Variants in PEX10 observed in about 807,000 individuals in gnomAD.
PEX10 encodes the protein peroxisomal biogenesis factor 10.
PEX10 carries 32 observed loss-of-function variants against 38.0 expected under a neutral mutation model. The observed-to-expected ratio is 0.84, with a 90% CI of 0.63 to 1.13. PEX10 has a LOEUF of 1.13. Ranked by LOEUF, PEX10 falls within the 50% of genes most tolerant of loss-of-function variation. The pLI is 0.00. For synonymous variants in PEX10, 206 were observed against 207.3 expected (o/e 0.99, Z 0.05); for missense variants, 483 against 457.7 (o/e 1.06, Z -0.51).
chr1:2,412,532 C>T lies in PEX10; in HGVS notation c.-30G>A. On this transcript the variant is annotated 5_prime_UTR_variant, in exon 1 of 6. Transcript: ENST00000447513. ...GCGGGTTCGGGTGGTCCCGAGCAGCCACGCCGGCCACGCCCACGCCCAGAC... is the reference window on the plus strand; with the variant it reads ...GCGGGTTCGGGTGGTCCCGAGCAGCTACGCCGGCCACGCCCACGCCCAGAC... 1 of 1,303,954 alleles carries T rather than the reference C, an allele frequency of 7.7e-7. No individual in the cohort carries two copies. The highest frequency in any genetic ancestry group is 9.7e-7 in the Non-Finnish European group (1 of 1,026,282). 80.8% of individuals were successfully genotyped at this position (1,303,954 alleles called of 1,614,324 possible).
At position 2,410,724 on chromosome 1, in the gene PEX10, A is replaced by T. The variant is rs1322022259; in HGVS notation, c.113-273T>A. On this transcript the variant is annotated intron_variant, in intron 1 of 5. Transcript: ENST00000447513. The surrounding 1 kb of genome is among the most constrained non-coding windows in gnomAD (Gnocchi z 5.1). ...CTGAGCAACTGTTCTAGGGCCTATGAGGGCCACATGGAAAGATGGTCTGGG... is the reference window on the plus strand; with the variant it reads ...CTGAGCAACTGTTCTAGGGCCTATGTGGGCCACATGGAAAGATGGTCTGGG... The T allele has an allele frequency of 1.4e-5, 8 of 553,360 alleles. No individual in the cohort carries two copies. The highest frequency in any genetic ancestry group is 2.8e-5 in the Non-Finnish European group (8 of 290,364). The allele number at this position is 553,360 out of a possible 1,614,324, so 34.3% of individuals were successfully genotyped here.
intron 5 of PEX10, among the ~76,000 whole-genome samples, chr1:2,406,051 G>C (rs1642990360): frequency 6.6e-6 from 1 of 152,088 alleles, no homozygotes; most frequent in Non-Finnish European, 1.5e-5. Context: ...CAGGGTGTGG[G>C]GCTCGGCCGG....
rs973439643 is a variant in PEX10 at position 2,408,089 on chromosome 1, G to A, written c.600+363C>T. On this transcript the variant is annotated intron_variant, in intron 3 of 5. Transcript: ENST00000447513. ...CCACACTGTCTGGGAGAAGCTGTTT[G>A]TTCCCCACAGCAGTGACATAGGCAG... Among the ~76,000 whole-genome samples, 5 of 152,124 alleles carry A rather than the reference G, an allele frequency of 3.3e-5. No homozygotes were observed. The East Asian group carries it at 9.6e-4, about 29-fold the overall frequency.
chr1:2,406,698 C>A, intron 4 of PEX10, 22 bp downstream of exon 4: 2 of 1,609,648 alleles, frequency 1.2e-6, no homozygotes, highest in Non-Finnish European at 1.7e-6. Flanking sequence ...CCCCAGCCCC[C>A]ATGTGTGGCC....
chr1:2,411,179 C>A (rs1643189464), intron 1 of PEX10, among the ~76,000 whole-genome samples: 1 of 150,756 alleles, frequency 6.6e-6, no homozygotes, highest in Non-Finnish European at 1.5e-5. Flanking sequence ...GCTGGGAGTT[C>A]ATGCCTTTAA....
upstream of PEX10, chr1:2,412,605 C>A (rs1018407889): frequency 1.1e-6 from 1 of 933,212 alleles, no homozygotes; most frequent in Non-Finnish European, 1.4e-6. Context: ...GCGGCGCAGA[C>A]CTCTGCGTCA....
upstream of PEX10, chr1:2,413,824 T>G (rs1290274094): frequency 6.6e-6 from 1 of 152,178 alleles, no homozygotes; most frequent in African/African-American, 2.4e-5. Flanking sequence ...CACAGCCCAG[T>G]CACAAAGCCA....
rs1250878736 is a variant in PEX10 at position 2,410,902 on chromosome 1, G to A, written c.113-451C>T. 13 of 456,478 alleles carry A rather than the reference G, an allele frequency of 2.8e-5. No individual in the cohort carries two copies. In the East Asian group the frequency reaches 9.0e-4, roughly 32 times the overall value. 28.3% of individuals were successfully genotyped at this position (456,478 alleles called of 1,614,324 possible). A position where few individuals can be genotyped will look rare whatever the true frequency, so the allele number is the denominator to read the frequency against. ...AGGGATGTTTGAAGATTCAATATTT[G>A]TAAAACACTGGGAACAGTGTCTGGC... is the stretch of plus-strand genomic sequence containing the variant. On this transcript the variant is annotated intron_variant, in intron 1 of 5. Transcript: ENST00000447513. The surrounding 1 kb of genome is among the most constrained non-coding windows in gnomAD (Gnocchi z 5.1).
rs1643131673 is a variant in PEX10, at chr1:2,409,859, A to G, written c.193+512T>C. ...CACATCTGTCTCCCGCCCACCGAGC[A>G]CACTCTCCATGGCGGCAGGATGCCC... On this transcript the variant is annotated intron_variant, in intron 2 of 5. Coordinates refer to ENST00000447513, the MANE Select transcript of PEX10 (RefSeq NM_002617.4). This position sits in a 1 kb window ranked among gnomAD's most constrained non-coding sequence, Gnocchi z 6.2. The G allele has an allele frequency of 6.0e-6, 1 of 167,352 alleles. No individual in the cohort carries two copies. Among genetic ancestry groups the G allele is most frequent in the South Asian group, 1.5e-4 (1 of 6,630 alleles). The allele number at this position is 167,352 out of a possible 1,614,324, so 10.4% of individuals were successfully genotyped here.
rs1642963713 is a variant in PEX10 at position 2,405,342 on chromosome 1, C to T, written c.*424G>A. On this transcript the variant is annotated 3_prime_UTR_variant, in exon 6 of 6. Coordinates refer to ENST00000447513, the MANE Select transcript of PEX10 (RefSeq NM_002617.4). ...AACCCGCCAGCCTCCGTGCCCCACC[C>T]CACCCAGCACGCACTCATTCAGTCC... 8.9e-6 allele frequency: 3 copies of T among 337,746 alleles called. No homozygotes were observed. Among genetic ancestry groups the T allele is most frequent in the South Asian group, 7.1e-5 (3 of 42,222 alleles). 20.9% of individuals were successfully genotyped at this position (337,746 alleles called of 1,614,324 possible).
At position 2,405,386 on chromosome 1, in the gene PEX10, T is replaced by G; in HGVS notation, c.*380A>C. On this transcript the variant is annotated 3_prime_UTR_variant, in exon 6 of 6. Coordinates refer to ENST00000447513, the MANE Select transcript of PEX10 (RefSeq NM_002617.4). ...TCAGTCCATTGCCTTAACACAAGCC[T>G]GATGGGGCTGTTTTCTCACAATATA... The G allele has an allele frequency of 2.6e-6, 1 of 380,168 alleles. No individual in the cohort carries two copies. Among genetic ancestry groups the G allele is most frequent in the South Asian group, 2.1e-5 (1 of 47,394 alleles). 23.5% of individuals were successfully genotyped at this position (380,168 alleles called of 1,614,324 possible).
Position 2,408,587 on chromosome 1 carries a change from C to T in PEX10, c.465G>A (p.Gln155=), listed in dbSNP as rs773660202. The T allele has an allele frequency of 1.9e-6, 3 of 1,611,910 alleles. No homozygotes were observed. In the South Asian group the frequency reaches 3.3e-5, roughly 18 times the overall value. ...MRHHTATLTE[Q]QRRALLRAVF... Reference sequence around the variant, plus strand: ...CCGCCCGCAGCAGCGCCCTCCTCTGCTGCTCAGTCAGGGTGGCCGTGTGGT... The same window carrying T: ...CCGCCCGCAGCAGCGCCCTCCTCTGTTGCTCAGTCAGGGTGGCCGTGTGGT... Residue 155 remains glutamine, a synonymous_variant, in exon 3 of 6, where the codon CAG becomes CAA. Transcript: ENST00000447513.
At chr1:2,411,213 A>G (rs985907663) in intron 1 of PEX10, among the ~76,000 whole-genome samples, 1 of 145,740 alleles carries the variant, frequency 6.9e-6, no homozygotes, top group African/African-American at 2.5e-5. Flanking sequence ...CACCCCCCAA[A>G]GACTTGATGG....
chr1:2,407,424 A>C (rs1643047135), intron 3 of PEX10, among the ~76,000 whole-genome samples: 1 of 152,132 alleles, frequency 6.6e-6, no homozygotes, highest in Non-Finnish European at 1.5e-5. Flanking sequence ...GGAAATGGAG[A>C]CAGCCAGACA....
rs1261673306 is a variant in PEX10, at chr1:2,410,958, CAAGT to C, written c.113-511_113-508del. 1.1e-5 allele frequency: 5 copies of C among 437,408 alleles called. No individual in the cohort carries two copies. The highest frequency in any genetic ancestry group is 3.3e-4 in the Middle Eastern group (1 of 3,022). The allele number at this position is 437,408 out of a possible 1,614,324, so 27.1% of individuals were successfully genotyped here. A position where few individuals can be genotyped will look rare whatever the true frequency, so the allele number is the denominator to read the frequency against. ...GGTAAGTGCCAAGTGTACTGTAAAA[CAAGT>C]AAGTACACACACAAAAAATTCTCAT... is the stretch of plus-strand genomic sequence containing the variant. On this transcript the variant is annotated intron_variant, in intron 1 of 5. Transcript: ENST00000447513. The surrounding 1 kb of genome is among the most constrained non-coding windows in gnomAD (Gnocchi z 5.1).
chr1:2,405,811 C>T lies in PEX10; in HGVS notation c.936G>A (p.Glu312=), dbSNP rs1476346779. Residue 312 remains glutamate (E), a synonymous_variant, in exon 6 of 6, where the codon GAG becomes GAA. Transcript: ENST00000447513. The part of the protein sequence containing the change: ...SSKAECPLCR[E]KFPPQKLIYL... ...AGATGAGCTTCTGGGGAGGGAACTT[C>T]TCCCGGCAGAGGGGACACTCCGCCT... 4 of 1,600,428 alleles carry T rather than the reference C, an allele frequency of 2.5e-6. No individual in the cohort carries two copies. Among genetic ancestry groups the T allele is most frequent in the African/African-American group, 2.7e-5 (2 of 74,654 alleles).
chr1:2,407,066 C>G, intron 3 of PEX10, 171 bp from the exon 4 acceptor site: 1 of 866,202 alleles, frequency 1.2e-6, no homozygotes, highest in Non-Finnish European at 1.9e-6. Flanking sequence ...TTCAGGGAGT[C>G]TGAGGTGCCT....
Position 2,408,553 on chromosome 1 carries a change from G to A in PEX10, c.499C>T (p.Leu167Phe). 1.9e-6 allele frequency: 3 copies of A among 1,612,570 alleles called. No homozygotes were observed. The highest frequency in any genetic ancestry group is 1.3e-5 in the African/African-American group (1 of 75,066). Residue 167 changes from leucine (L) to phenylalanine (F), a missense_variant, in exon 3 of 6, where the codon CTC becomes TTC. Physicochemically the swap from Leu to Phe is conservative, Grantham distance 22. Coordinates refer to ENST00000447513, the MANE Select transcript of PEX10 (RefSeq NM_002617.4). Reference sequence around the variant, plus strand: ...TGGAGGCAGGCGAGGCCCTGTCTGAGGACGAAGACCGCCCGCAGCAGCGCC... The same window carrying A: ...TGGAGGCAGGCGAGGCCCTGTCTGAAGACGAAGACCGCCCGCAGCAGCGCC... ...RRALLRAVFV[L>F]RQGLACLQRL...
rs1491349660 is a variant in PEX10, at chr1:2,405,661, G to GA, written c.*104dup. On this transcript the variant is annotated 3_prime_UTR_variant, in exon 6 of 6. Coordinates refer to ENST00000447513, the MANE Select transcript of PEX10 (RefSeq NM_002617.4). ...TTAGTATCTTACATGACAAAAAACT[G>GA]AGAGTGTTCTAACTTCTGTGCAAGC... 5 of 1,025,768 alleles carry GA rather than the reference G, an allele frequency of 4.9e-6. No homozygotes were observed. Among genetic ancestry groups the GA allele is most frequent in the African/African-American group, 3.3e-5 (2 of 61,528 alleles). The allele number at this position is 1,025,768 out of a possible 1,614,324, so 63.5% of individuals were successfully genotyped here. A position where few individuals can be genotyped will look rare whatever the true frequency, so the allele number is the denominator to read the frequency against.
Sources: allele counts gnomAD v4.1 joint callset (sites outside exome capture counted in the v4.1 genomes callset), GRCh38; gene constraint gnomAD v4.1.1; non-coding constraint Gnocchi (gnomAD v3.1); transcripts MANE v1.5; gene names NCBI Gene and HGNC (gene_info 2026-07-23, HGNC 2026-07-21).